CNTNAP2: variants seen among roughly 807,000 people sequenced by gnomAD.
The protein encoded by CNTNAP2 is contactin associated protein 2, also known as contactin-associated protein-like 2.
Under a neutral mutation model 155.2 loss-of-function variants are expected in CNTNAP2, and 98 were observed. The ratio of observed to expected loss-of-function variants is 0.63; its 90% CI spans 0.54 to 0.75. The LOEUF is 0.75. Ranked by LOEUF, CNTNAP2 falls within the 30% of genes least tolerant of loss-of-function variation. The pLI, the probability that CNTNAP2 is intolerant of heterozygous loss-of-function variation, is 0.00. For synonymous variants in CNTNAP2, 651 were observed against 631.2 expected (o/e 1.03, Z -0.47); for missense variants, 1,727 against 1,688.1 (o/e 1.02, Z -0.40).
At chr7:146,843,787 A>G (rs1803790495) in intron 3 of CNTNAP2, among the ~76,000 whole-genome samples, 1 of 152,108 alleles carries the variant, frequency 6.6e-6, no homozygotes, top group Non-Finnish European at 1.5e-5. Flanking sequence ...ATTAAATACT[A>G]GAGTTTTTTA....
chr7:147,301,588 C>CTGTG (rs2116772589), intron 9 of CNTNAP2, among the ~76,000 whole-genome samples: 1 of 60,710 alleles, frequency 1.6e-5, no homozygotes, highest in East Asian at 3.3e-4. Flanking sequence ...CTCTCTCTCT[C>CTGTG]TCTCTGTGTG....
At chr7:146,244,917 C>A (rs1039709022) in intron 1 of CNTNAP2, among the ~76,000 whole-genome samples, 39 of 151,806 alleles carry the variant, frequency 2.6e-4, no homozygotes, top group Non-Finnish European at 4.9e-4. Context: ...TGGGTGGGGG[C>A]AAATCCTCGA....
At chr7:146,289,526 TAA>T (rs976703525) in intron 1 of CNTNAP2, among the ~76,000 whole-genome samples, 1 of 152,218 alleles carries the variant, frequency 6.6e-6, no homozygotes, top group Non-Finnish European at 1.5e-5. Context: ...GTGCTATAGA[TAA>T]GTGTGTTTTT....
intron 17 of CNTNAP2, among the ~76,000 whole-genome samples, chr7:148,150,102 CA>C (rs71188948): frequency 0.04 from 3,358 of 84,014 alleles, 57 homozygotes; most frequent in African/African-American, 0.13. Flanking sequence ...GGGGTTGTTA[CA>C]AAAAAAAAAA....
intron 14 of CNTNAP2, among the ~76,000 whole-genome samples, chr7:147,966,574 C>G (rs1245863466): frequency 2.6e-5 from 4 of 152,156 alleles, no homozygotes; most frequent in Non-Finnish European, 5.9e-5. Flanking sequence ...CATTCCAAAG[C>G]TGAGTGCCCT....
intron 1 of CNTNAP2, among the ~76,000 whole-genome samples, chr7:146,450,125 AAAC>A (rs925550282): frequency 4.6e-5 from 7 of 152,180 alleles, no homozygotes; most frequent in South Asian, 2.1e-4. Context: ...CAAGGAGATA[AAAC>A]AACAACAACA....
At chr7:146,159,468 C>T (rs1456095940) in intron 1 of CNTNAP2, among the ~76,000 whole-genome samples, 3 of 151,922 alleles carry the variant, frequency 2.0e-5, no homozygotes, top group African/African-American at 7.3e-5. Context: ...GAGTCAAGAC[C>T]CATCAGTGTG....
At chr7:146,635,006 C>T (rs1799574379) in intron 1 of CNTNAP2, among the ~76,000 whole-genome samples, 1 of 152,118 alleles carries the variant, frequency 6.6e-6, no homozygotes, top group African/African-American at 2.4e-5. Context: ...GGAACTTAAA[C>T]TAGTCATGTA....
intron 1 of CNTNAP2, among the ~76,000 whole-genome samples, chr7:146,645,461 T>A (rs1456697908): frequency 6.6e-6 from 1 of 151,676 alleles, no homozygotes; most frequent in Non-Finnish European, 1.5e-5. Context: ...TGGAGAAGGG[T>A]TTCTATCCCG....
chr7:147,737,303 G>T (rs1180570115), intron 13 of CNTNAP2, among the ~76,000 whole-genome samples: 5 of 152,310 alleles, frequency 3.3e-5, no homozygotes, highest in East Asian at 1.9e-4. Flanking sequence ...GACCCTGTTT[G>T]CCTGGGTATC....
chr7:146,470,866 C>T (rs1563096561), intron 1 of CNTNAP2, among the ~76,000 whole-genome samples: 1 of 152,110 alleles, frequency 6.6e-6, no homozygotes, highest in Non-Finnish European at 1.5e-5. Context: ...CCGTGCCAAG[C>T]CCATATTTTA....
At chr7:148,238,043 G>A (rs1796074398) in intron 20 of CNTNAP2, among the ~76,000 whole-genome samples, 1 of 152,100 alleles carries the variant, frequency 6.6e-6, no homozygotes, top group Non-Finnish European at 1.5e-5. Flanking sequence ...TTATATACAT[G>A]AGAAAACAGA....
intron 1 of CNTNAP2, among the ~76,000 whole-genome samples, chr7:146,411,027 G>A (rs1795857452): frequency 6.6e-6 from 1 of 152,080 alleles, no homozygotes; most frequent in Non-Finnish European, 1.5e-5. Context: ...GACACTTAGG[G>A]TGATTCTATA....
intron 3 of CNTNAP2, among the ~76,000 whole-genome samples, chr7:146,903,009 T>C (rs1156748780): frequency 2.6e-5 from 4 of 152,198 alleles, no homozygotes; most frequent in African/African-American, 4.8e-5. Flanking sequence ...CCAGCTGATT[T>C]TACTGGTCCT....
chr7:147,723,633 A>C (rs367865152), intron 13 of CNTNAP2, among the ~76,000 whole-genome samples: 1 of 151,926 alleles, frequency 6.6e-6, no homozygotes, highest in African/African-American at 2.4e-5. Flanking sequence ...ATCAGTCTGC[A>C]TCTGTCCCTG....
intron 1 of CNTNAP2, among the ~76,000 whole-genome samples, chr7:146,314,304 T>C (rs990928196): frequency 9.2e-5 from 14 of 152,208 alleles, no homozygotes; most frequent in African/African-American, 3.4e-4. Flanking sequence ...TTGTTCTTAG[T>C]GGCCCCAATA....
chr7:147,115,243 C>T lies in CNTNAP2; in HGVS notation c.755-5736C>T, dbSNP rs1476414656. ...CCTTTCAGCCTTTCTCTCTGGCTGC[C>T]TTTAACATTTTTTCTTTAATTTCAA... On this transcript the variant is annotated intron_variant, in intron 5 of 23. Transcript: ENST00000361727. 8.5e-5 allele frequency among the ~76,000 whole-genome samples: 13 copies of T among 152,280 alleles called. No homozygotes were observed. In the East Asian group the frequency reaches 2.3e-3, roughly 27 times the overall value.
At chr7:146,614,666 C>G (rs752342942) in intron 1 of CNTNAP2, among the ~76,000 whole-genome samples, 1 of 152,142 alleles carries the variant, frequency 6.6e-6, no homozygotes, top group Non-Finnish European at 1.5e-5. Context: ...TGTTTCTCTG[C>G]ATGCTGACAA....
chr7:146,895,359 C>CT (rs1237319101), intron 3 of CNTNAP2, among the ~76,000 whole-genome samples: 1 of 140,190 alleles, frequency 7.1e-6, no homozygotes, highest in Non-Finnish European at 1.5e-5. Flanking sequence ...TTCTCTCTTT[C>CT]TTTTTTCCTA....
Sources: allele counts gnomAD v4.1 joint callset (sites outside exome capture counted in the v4.1 genomes callset), GRCh38; gene constraint gnomAD v4.1.1; transcripts MANE v1.5; gene names NCBI Gene and HGNC (gene_info 2026-07-23, HGNC 2026-07-21).